SORCS2: variants seen among roughly 807,000 people sequenced by gnomAD.
SORCS2 encodes VPS10 domain-containing receptor SorCS2.
Under a neutral mutation model 141.6 loss-of-function variants are expected in SORCS2, and 100 were observed. The ratio of observed to expected loss-of-function variants is 0.71; its 90% CI spans 0.60 to 0.83. SORCS2 has a LOEUF of 0.83. SORCS2 is among the 40% of genes least tolerant of loss of function. The pLI is 0.00. For synonymous variants in SORCS2, 789 were observed against 676.9 expected (o/e 1.17, Z -2.57); for missense variants, 1,646 against 1,560.2 (o/e 1.05, Z -0.93).
At chr4:7,650,880 T>C (rs576464623) in intron 4 of SORCS2, among the ~76,000 whole-genome samples, 31 of 152,060 alleles carry the variant, frequency 2.0e-4, no homozygotes, top group Non-Finnish European at 4.4e-4. Context: ...TTTGCTTCTA[T>C]AACAAGGACT....
At chr4:7,314,294 C>CT (rs1718400506) in intron 1 of SORCS2, among the ~76,000 whole-genome samples, 1 of 151,614 alleles carries the variant, frequency 6.6e-6, no homozygotes, top group African/African-American at 2.4e-5. Context: ...CACAGGGACT[C>CT]TCCCCAGAGT....
intron 3 of SORCS2, among the ~76,000 whole-genome samples, chr4:7,570,045 T>A (rs1282657585): frequency 6.6e-6 from 1 of 152,174 alleles, no homozygotes; most frequent in Non-Finnish European, 1.5e-5. Flanking sequence ...TGCAATCCAC[T>A]GCAGCTGAGA....
intron 18 of SORCS2, 34 bp from the exon 19 acceptor site, chr4:7,723,663 C>T (rs1289832105): frequency 6.2e-7 from 1 of 1,610,750 alleles, no homozygotes; most frequent in Admixed American, 1.7e-5. Context: ...CTTCAAGGCC[C>T]ACTCCTGAGT....
At chr4:7,290,796 T>TTCATTCATTCA (rs1553828752) in intron 1 of SORCS2, among the ~76,000 whole-genome samples, 2 of 151,246 alleles carry the variant, frequency 1.3e-5, no homozygotes, top group African/African-American at 4.8e-5. Context: ...GGCTGCATTC[T>TTCATTCATTCA]TTCATTCATT....
chr4:7,707,445 C>T (rs976677819), intron 14 of SORCS2, among the ~76,000 whole-genome samples: 1 of 152,174 alleles, frequency 6.6e-6, no homozygotes, highest in African/African-American at 2.4e-5. Context: ...GCGTGGGGCA[C>T]AAGGACAGGG....
At chr4:7,560,806 A>G (rs562221183) in intron 3 of SORCS2, among the ~76,000 whole-genome samples, 12 of 152,276 alleles carry the variant, frequency 7.9e-5, no homozygotes, top group Non-Finnish European at 1.6e-4. Context: ...AGGCTGGGTA[A>G]TGAGGTCTCC....
chr4:7,290,204 G>C (rs1385173442), intron 1 of SORCS2, among the ~76,000 whole-genome samples: 1 of 152,276 alleles, frequency 6.6e-6, no homozygotes, highest in East Asian at 1.9e-4. Flanking sequence ...AGGACAACCC[G>C]TGGCAGCTCT....
chr4:7,247,286 C>T (rs1480476656), intron 1 of SORCS2, among the ~76,000 whole-genome samples: 2 of 151,666 alleles, frequency 1.3e-5, no homozygotes, highest in South Asian at 2.1e-4. Flanking sequence ...ATACTGTAAA[C>T]GGATGTTTCT....
intron 1 of SORCS2, among the ~76,000 whole-genome samples, chr4:7,283,548 G>A (rs934085239): frequency 2.0e-5 from 3 of 152,174 alleles, no homozygotes; most frequent in African/African-American, 7.2e-5. Flanking sequence ...ATTCACTCCA[G>A]GAACAGTGTT....
At chr4:7,482,622 G>A (rs1462189271) in intron 2 of SORCS2, among the ~76,000 whole-genome samples, 1 of 83,020 alleles carries the variant, frequency 1.2e-5, no homozygotes, top group Non-Finnish European at 2.2e-5. Context: ...TCCCCACTGC[G>A]GACACCCCTG....
chr4:7,479,836 C>T (rs1004305642), intron 2 of SORCS2, among the ~76,000 whole-genome samples: 2 of 152,214 alleles, frequency 1.3e-5, no homozygotes, highest in Non-Finnish European at 2.9e-5. Flanking sequence ...CTCTCTGACT[C>T]CCCATTTTAA....
intron 2 of SORCS2, among the ~76,000 whole-genome samples, chr4:7,503,558 C>T (rs1732100917): frequency 6.6e-6 from 1 of 152,166 alleles, no homozygotes; most frequent in African/African-American, 2.4e-5. Context: ...CTGGAGATCT[C>T]TATGCAGACG....
chr4:7,513,881 G>A (rs1464902627), intron 2 of SORCS2, among the ~76,000 whole-genome samples: 2 of 152,238 alleles, frequency 1.3e-5, no homozygotes, highest in Non-Finnish European at 2.9e-5. Flanking sequence ...TGCCTGGAGA[G>A]CAGAGCGCAT....
chr4:7,489,680 G>C (rs4689757), intron 2 of SORCS2, among the ~76,000 whole-genome samples: 147,784 of 152,270 alleles, frequency 0.97, 71,832 homozygotes, highest in East Asian at 1. Context: ...CATGTAATTT[G>C]TGAATCAAAA....
intron 2 of SORCS2, among the ~76,000 whole-genome samples, chr4:7,491,769 A>T (rs1186029895): frequency 6.6e-6 from 1 of 152,094 alleles, no homozygotes; most frequent in South Asian, 2.1e-4. Context: ...CTGTGGCTTG[A>T]TCCCCATTTG....
At chr4:7,303,949 A>G (rs925297713) in intron 1 of SORCS2, among the ~76,000 whole-genome samples, 11 of 152,260 alleles carry the variant, frequency 7.2e-5, no homozygotes, top group African/African-American at 2.7e-4. Context: ...CCTGTTTACC[A>G]GGCCCTGCAC....
In SORCS2 at chr4:7,724,624, GTGA is replaced by G. The variant is rs1178362616; in HGVS notation, c.2612-527_2612-525del. 9.5e-4 allele frequency among the ~76,000 whole-genome samples: 126 copies of G among 133,126 alleles called. 9 individuals are homozygous for G. The highest frequency in any genetic ancestry group is 3.5e-3 in the African/African-American group (112 of 31,858). The allele number at this position is 133,126 out of a possible 152,430, so 87.3% of individuals were successfully genotyped here. On this transcript the variant is annotated intron_variant, in intron 19 of 26. Coordinates refer to ENST00000507866, the MANE Select transcript of SORCS2 (RefSeq NM_020777.3). ...GGTGGTGATAGTGCTGGTGAGGATG[GTGA>G]TGGTGGTGATGGTGGAGGTGATGGT... is the stretch of plus-strand genomic sequence containing the variant.
At chr4:7,451,587 G>T (rs755704990) in intron 2 of SORCS2, among the ~76,000 whole-genome samples, 6 of 152,244 alleles carry the variant, frequency 3.9e-5, no homozygotes, top group African/African-American at 1.2e-4. Flanking sequence ...GGCCATTCAC[G>T]TGCTGTGGGC....
intron 1 of SORCS2, among the ~76,000 whole-genome samples, chr4:7,196,137 T>C (rs1727154139): frequency 6.6e-6 from 1 of 152,198 alleles, no homozygotes; most frequent in African/African-American, 2.4e-5. Context: ...GGGGACTTGC[T>C]TGGAAGTTCA....
Sources: gnomAD v4.1 joint callset for allele counts (sites outside exome capture counted in the v4.1 genomes callset) on GRCh38, gnomAD v4.1.1 for gene constraint, MANE v1.5 for transcripts, NCBI Gene and HGNC (gene_info 2026-07-23, HGNC 2026-07-21) for gene names.